DOCK8: variants seen among roughly 807,000 people sequenced by gnomAD.
The protein encoded by DOCK8 is dedicator of cytokinesis protein 8.
DOCK8 carries 141 observed loss-of-function variants against 245.6 expected under a neutral mutation model. The ratio of observed to expected loss-of-function variants is 0.57; its 90% CI spans 0.50 to 0.66. The LOEUF is 0.66. Ranked by LOEUF, DOCK8 falls within the 30% of genes least tolerant of loss-of-function variation. The pLI is 0.00. For missense variants in DOCK8, 2,965 were observed against 2,603.4 expected, an observed-to-expected ratio of 1.14 and a Z score of -3.02; for synonymous variants, 1,168 against 970.2, an observed-to-expected ratio of 1.20 and a Z score of -3.79.
chr9:421,098 C>T lies in DOCK8; in HGVS notation c.4153+20C>T, dbSNP rs773351607. On this transcript the variant is annotated intron_variant, in intron 32 of 47. Transcript: ENST00000432829. ...CTCCAGGTGTGTTGGACTGGCCCTT[C>T]CCTGCTCTCTGTCAAGCAGTTTTTC... The T allele has an allele frequency of 1.9e-5, 30 of 1,613,680 alleles. No individual in the cohort carries two copies. In the South Asian group the frequency reaches 3.2e-4, roughly 17 times the overall value.
At chr9:295,583 G>C (rs540389644) in intron 4 of DOCK8, among the ~76,000 whole-genome samples, 1 of 152,182 alleles carries the variant, frequency 6.6e-6, no homozygotes, top group East Asian at 1.9e-4. Context: ...GGGGGGACCT[G>C]CCTTCCTCTG....
intron 1 of DOCK8, among the ~76,000 whole-genome samples, chr9:239,224 C>T (rs1452120964): frequency 1.3e-5 from 2 of 152,194 alleles, no homozygotes; most frequent in African/African-American, 2.4e-5. Context: ...CGCACACACA[C>T]GTGCATGCAC....
Position 428,498 on chromosome 9 carries a change from TA to T in DOCK8, c.4473+5del. On this transcript the variant is annotated splice_donor_region_variant and intron_variant, in intron 35 of 47. Transcript: ENST00000432829. ...ACACTCCGTGCTCTCATCGCCAAGG[TA>T]AACTTGGGATGCTTGTTTTCTTCCT... 1.2e-6 allele frequency: 2 copies of T among 1,614,186 alleles called. No individual in the cohort carries two copies. The highest frequency in any genetic ancestry group is 1.7e-6 in the Non-Finnish European group (2 of 1,180,030).
chr9:231,431 C>A (rs539064936), intron 1 of DOCK8, among the ~76,000 whole-genome samples: 48 of 152,238 alleles, frequency 3.2e-4, no homozygotes, highest in African/African-American at 1.1e-3. Context: ...TTTTCCAATT[C>A]TGTGAAGAAC....
At chr9:440,101 C>CT (rs2057044675) in intron 40 of DOCK8, among the ~76,000 whole-genome samples, 1 of 152,196 alleles carries the variant, frequency 6.6e-6, no homozygotes, top group Non-Finnish European at 1.5e-5. Context: ...TCACTGCAGC[C>CT]TCTACCTCCA....
intron 4 of DOCK8, among the ~76,000 whole-genome samples, chr9:299,334 C>G (rs1370385015): frequency 6.6e-6 from 1 of 152,152 alleles, no homozygotes; most frequent in African/African-American, 2.4e-5. Flanking sequence ...GTGAGAATTT[C>G]TCTCAAATAA....
intron 4 of DOCK8, among the ~76,000 whole-genome samples, chr9:290,255 T>C (rs1229822195): frequency 6.6e-6 from 1 of 152,010 alleles, no homozygotes; most frequent in Non-Finnish European, 1.5e-5. Flanking sequence ...TAAACTTTCT[T>C]AAAACATTAT....
At chr9:226,291 A>G (rs1183165727) in intron 1 of DOCK8, among the ~76,000 whole-genome samples, 1 of 152,166 alleles carries the variant, frequency 6.6e-6, no homozygotes, top group Admixed American at 6.6e-5. Flanking sequence ...GAATAGCATG[A>G]GGAAAAACCT....
chr9:239,399 T>C (rs1000563125), intron 1 of DOCK8, among the ~76,000 whole-genome samples: 2 of 152,200 alleles, frequency 1.3e-5, no homozygotes, highest in Non-Finnish European at 2.9e-5. Flanking sequence ...TCCTGAGAGT[T>C]ATAAGAGACT....
rs566651140 is a variant in DOCK8, at chr9:316,525, A to G, written c.742-518A>G. Among the ~76,000 whole-genome samples the G allele has an allele frequency of 1.7e-3, 255 of 152,340 alleles. 1 individual carries two copies. The highest frequency in any genetic ancestry group is 6.0e-3 in the African/African-American group (250 of 41,576). ...TCTAGAACTTGTCAATTCAACCCCA[A>G]GTCTCTATCATCTGTTTAAGAAAAC... On this transcript the variant is annotated intron_variant, in intron 6 of 47. Transcript: ENST00000432829.
chr9:215,403 C>T (rs767887616), intron 1 of DOCK8: 3 of 1,544,942 alleles, frequency 1.9e-6, no homozygotes, highest in Non-Finnish European at 1.7e-6. Flanking sequence ...TCATAAACGG[C>T]TCCTTCCTTT....
chr9:437,503 G>C (rs1163062145), intron 39 of DOCK8, among the ~76,000 whole-genome samples: 1 of 152,180 alleles, frequency 6.6e-6, no homozygotes, highest in African/African-American at 2.4e-5. Flanking sequence ...CTGACCCCGG[G>C]TCATGGGTCC....
intron 2 of DOCK8, among the ~76,000 whole-genome samples, chr9:283,441 T>C (rs942016958): frequency 2.0e-5 from 3 of 152,222 alleles, no homozygotes; most frequent in African/African-American, 7.2e-5. Context: ...AAGTGCAGTT[T>C]TGCTACATGA....
At chr9:273,075 G>A (rs539114276) in intron 2 of DOCK8, 9 of 985,238 alleles carry the variant, frequency 9.1e-6, no homozygotes, top group East Asian at 1.1e-4. Flanking sequence ...CAATTTACGC[G>A]CCGTGTAACT....
chr9:328,860 G>A (rs10970586), intron 9 of DOCK8, among the ~76,000 whole-genome samples: 6,955 of 147,942 alleles, frequency 0.047, 216 homozygotes, highest in Admixed American at 0.08. Flanking sequence ...TCCTTTCTCT[G>A]TACACCAAAA....
rs1179092593 is a variant in DOCK8, at chr9:400,929, CAA to C, written c.3234+1671_3234+1672del. Among the ~76,000 whole-genome samples the C allele has an allele frequency of 6.0e-3, 575 of 96,050 alleles. 49 individuals are homozygous for C. Among genetic ancestry groups the C allele is most frequent in the Middle Eastern group, 0.013 (2 of 158 alleles). The allele number at this position is 96,050 out of a possible 152,430, so 63.0% of individuals were successfully genotyped here. ...ACCAACAGCTCCTTCACCATCACCA[CAA>C]CATCCACCACCACCATCACCACCAC... On this transcript the variant is annotated intron_variant, in intron 26 of 47. Transcript: ENST00000432829.
chr9:399,941 CATT>C (rs1330575425), intron 26 of DOCK8, among the ~76,000 whole-genome samples: 1 of 151,800 alleles, frequency 6.6e-6, no homozygotes, highest in East Asian at 1.9e-4. Flanking sequence ...CCACCATTCT[CATT>C]AGTCCCATGC....
chr9:440,862 T>C (rs1424512510), intron 40 of DOCK8, among the ~76,000 whole-genome samples: 1 of 152,152 alleles, frequency 6.6e-6, no homozygotes, highest in Non-Finnish European at 1.5e-5. Context: ...ACCGCCCAAG[T>C]AGCTGAGGCT....
intron 46 of DOCK8, among the ~76,000 whole-genome samples, chr9:461,666 C>T (rs903964448): frequency 6.6e-6 from 1 of 151,074 alleles, no homozygotes; most frequent in African/African-American, 2.4e-5. Context: ...CTCAGCTTCC[C>T]AAATAGCTGG....
Sources: allele counts gnomAD v4.1 joint callset (sites outside exome capture counted in the v4.1 genomes callset), GRCh38; gene constraint gnomAD v4.1.1; transcripts MANE v1.5; gene names NCBI Gene and HGNC (gene_info 2026-07-23, HGNC 2026-07-21).